Variants in HPS5 observed in about 807,000 individuals in gnomAD.
HPS5 encodes HPS5 biogenesis of lysosomal organelles complex 2 subunit 2, also known as BLOC-2 complex member HPS5.
In HPS5, 83 loss-of-function variants were observed where a neutral mutation model predicts 128.0. The ratio of observed to expected loss-of-function variants is 0.65; its 90% CI spans 0.54 to 0.78. The LOEUF is 0.78. HPS5 is among the 30% of genes least tolerant of loss of function. HPS5 has a pLI of 0.00. For missense variants in HPS5, 1,281 were observed against 1,326.2 expected, an observed-to-expected ratio of 0.97 and a Z score of 0.53; for synonymous variants, 475 against 470.2, an observed-to-expected ratio of 1.01 and a Z score of -0.13.
At chr11:18,306,777 C>T (rs1013410504) in intron 6 of HPS5, among the ~76,000 whole-genome samples, 1 of 152,228 alleles carries the variant, frequency 6.6e-6, no homozygotes, top group African/African-American at 2.4e-5. Context: ...GTCACTTCCT[C>T]ACCACAAACA....
chr11:18,305,437 T>G lies in HPS5; in HGVS notation c.881A>C (p.Lys294Thr). 1 of 1,607,414 alleles carries G rather than the reference T, an allele frequency of 6.2e-7. No individual in the cohort carries two copies. Among genetic ancestry groups the G allele is most frequent in the Non-Finnish European group, 8.5e-7 (1 of 1,174,116 alleles). ...AGSSQSLSFP[K>T]LLHLSEHCVL... Reference sequence around the variant, plus strand: ...AGAAACTTACCTAAGATGTAAGAGTTTGGGGAAAGACAAAGACTGGGAGGA... The same window carrying G: ...AGAAACTTACCTAAGATGTAAGAGTGTGGGGAAAGACAAAGACTGGGAGGA... The change falls in exon 8 of 23, where the codon AAA becomes ACA. Residue 294 changes from lysine (K) to threonine (T), a missense_variant. Transcript: ENST00000349215.
rs1858557322 is a variant in HPS5 at position 18,279,039 on chromosome 11, A to C, written c.*843T>G. The C allele has an allele frequency of 6.6e-6, 1 of 152,220 alleles. No individual in the cohort carries two copies. The highest frequency in any genetic ancestry group is 1.5e-5 in the Non-Finnish European group (1 of 68,038). The allele number at this position is 152,220 out of a possible 1,614,324, so 9.4% of individuals were successfully genotyped here. A position where few individuals can be genotyped will look rare whatever the true frequency, so the allele number is the denominator to read the frequency against. On this transcript the variant is annotated 3_prime_UTR_variant, in exon 23 of 23. Transcript: ENST00000349215. ...AGATTAGAAAATATTAAATAAATAC[A>C]GGGAAAAATATTTTTAATTAGCTTA...
intron 2 of HPS5, among the ~76,000 whole-genome samples, chr11:18,312,491 G>T (rs553497350): frequency 6.6e-6 from 1 of 152,318 alleles, no homozygotes; most frequent in South Asian, 2.1e-4. Flanking sequence ...AGAATGCAGT[G>T]GTCATGCCGT....
chr11:18,283,889 T>C lies in HPS5; in HGVS notation c.2964A>G (p.Gly988=), dbSNP rs1430613854. 6.2e-7 allele frequency: 1 copy of C among 1,612,162 alleles called. No individual in the cohort carries two copies. The highest frequency in any genetic ancestry group is 1.3e-5 in the African/African-American group (1 of 74,868). Residue 988 remains glycine, a synonymous_variant, in exon 21 of 23, where the codon GGA becomes GGG. Coordinates refer to ENST00000349215, the MANE Select transcript of HPS5 (RefSeq NM_181507.2). ...CCAGCTCCAAACAGAGAATTAGATA[T>C]CCAGGCCAGAAACTTTAAAGAGACC... ...DICRSCGFWP[G]YLILCLELER... is the part of the protein sequence containing the mutation.
Position 18,287,667 on chromosome 11 carries a change from G to C in HPS5, c.2585C>G (p.Ser862Cys), listed in dbSNP as rs1373111138. 6.2e-7 allele frequency: 1 copy of C among 1,614,030 alleles called. No homozygotes were observed. Among genetic ancestry groups the C allele is most frequent in the African/African-American group, 1.3e-5 (1 of 74,914 alleles). Reference protein sequence around the residue: ...ATRLYEKFGESALRSLIKFFP... With the variant: ...ATRLYEKFGECALRSLIKFFP... ...GAACTTGATTAAGGATCGAAGAGCAGACTCCCCAAACTTTTCATACAACCT... is the reference window on the plus strand; with the variant it reads ...GAACTTGATTAAGGATCGAAGAGCACACTCCCCAAACTTTTCATACAACCT... The change falls in exon 18 of 23, where the codon TCT (serine) becomes TGT (cysteine). Residue 862 changes from serine to cysteine, a missense_variant. Transcript: ENST00000349215.
chr11:18,301,142 T>C (rs1234289492), intron 8 of HPS5, among the ~76,000 whole-genome samples: 1 of 152,012 alleles, frequency 6.6e-6, no homozygotes, highest in Non-Finnish European at 1.5e-5. Flanking sequence ...CAGACACATA[T>C]ACTAGATATT....
intron 16 of HPS5, 119 bp downstream of exon 16, chr11:18,291,323 G>C (rs1860376636): frequency 1.5e-6 from 1 of 652,108 alleles, no homozygotes; most frequent in South Asian, 2.0e-5. Flanking sequence ...ACAGAATAAA[G>C]GGTTGACCAG....
Position 18,291,647 on chromosome 11 carries a change from C to A in HPS5, c.2235G>T (p.Leu745Phe), listed in dbSNP as rs1289072749. The A allele has an allele frequency of 6.2e-7, 1 of 1,614,206 alleles. No individual in the cohort carries two copies. Among genetic ancestry groups the A allele is most frequent in the African/African-American group, 1.3e-5 (1 of 75,056 alleles). ...TCTTAGAATTCAATACATTCAACTC[C>A]AAACATAATGTTGTCAATTCAGCCA... ...NDLAELTTLC[L>F]ELNVLNSKIK... Residue 745 changes from leucine to phenylalanine, a missense_variant, in exon 16 of 23, where the codon TTG (leucine) becomes TTT (phenylalanine). Leu to Phe is a conservative substitution (Grantham distance 22). Transcript: ENST00000349215.
rs768204584 is a variant in HPS5, at chr11:18,291,960, T to C, written c.1922A>G (p.Gln641Arg). 1 of 1,613,582 alleles carries C rather than the reference T, an allele frequency of 6.2e-7. No homozygotes were observed. Among genetic ancestry groups the C allele is most frequent in the Non-Finnish European group, 8.5e-7 (1 of 1,179,912 alleles). The change falls in exon 16 of 23, where the codon CAG (glutamine) becomes CGG (arginine). Residue 641 changes from glutamine (Q) to arginine (R), a missense_variant. Transcript: ENST00000349215. ...TTTTTCTAAATGTGAAAGCCACTCCTGTAAAACCATTCTCAGAGACTCGGA... is the reference window on the plus strand; with the variant it reads ...TTTTTCTAAATGTGAAAGCCACTCCCGTAAAACCATTCTCAGAGACTCGGA... ...FESESLRMVL[Q>R]EWLSHLEKTF...
chr11:18,293,581 TAGAA>T (rs1860706434), intron 14 of HPS5, among the ~76,000 whole-genome samples: 1 of 152,112 alleles, frequency 6.6e-6, no homozygotes. Context: ...AAGCTCTCAT[TAGAA>T]AGAAAGGCAT....
rs1017417668 is a variant in HPS5 at position 18,295,014 on chromosome 11, G to T, written c.1784+6C>A. The T allele has an allele frequency of 1.2e-6, 2 of 1,613,750 alleles. No individual in the cohort carries two copies. Among genetic ancestry groups the T allele is most frequent in the Non-Finnish European group, 1.7e-6 (2 of 1,179,722 alleles). On this transcript the variant is annotated splice_donor_region_variant and intron_variant, in intron 14 of 22. Transcript: ENST00000349215. Reference sequence around the variant, plus strand: ...AATGTATAGAGATTTATGTGTAAGGGCTTACTCAGTGTCTTCCTCCTTTGG... The same window carrying T: ...AATGTATAGAGATTTATGTGTAAGGTCTTACTCAGTGTCTTCCTCCTTTGG...
rs2134181785 is a variant in HPS5, at chr11:18,278,741, T to G, written c.*1141A>C. ...CAAAATGCTCATAATAAACCTCCTG[T>G]CTACATTGTGTTCCAATGAAAACTT... On this transcript the variant is annotated 3_prime_UTR_variant, in exon 23 of 23. Coordinates refer to ENST00000349215, the MANE Select transcript of HPS5 (RefSeq NM_181507.2). 1 of 152,426 alleles carries G rather than the reference T, an allele frequency of 6.6e-6. No homozygotes were observed. The highest frequency in any genetic ancestry group is 2.1e-4 in the South Asian group (1 of 4,830). The allele number at this position is 152,426 out of a possible 1,614,324, so 9.4% of individuals were successfully genotyped here.
intron 15 of HPS5, among the ~76,000 whole-genome samples, 155 bp from the exon 16 acceptor site, chr11:18,292,174 G>A (rs1385793853): frequency 2.0e-5 from 3 of 150,210 alleles, no homozygotes; most frequent in Non-Finnish European, 4.4e-5. Context: ...TCAACAAGAT[G>A]ACAAAACAGA....
At chr11:18,313,574 C>T (rs1863246395) in intron 2 of HPS5, among the ~76,000 whole-genome samples, 1 of 151,944 alleles carries the variant, frequency 6.6e-6, no homozygotes, top group South Asian at 2.1e-4. Context: ...TCGAGACCAG[C>T]CTGGGCAACA....
Position 18,279,364 on chromosome 11 carries a change from T to G in HPS5, c.*518A>C, listed in dbSNP as rs1024164378. 3.8e-5 allele frequency: 6 copies of G among 159,344 alleles called. No individual in the cohort carries two copies. The highest frequency in any genetic ancestry group is 7.2e-5 in the African/African-American group (3 of 41,486). 9.9% of individuals were successfully genotyped at this position (159,344 alleles called of 1,614,324 possible). A position where few individuals can be genotyped will look rare whatever the true frequency, so the allele number is the denominator to read the frequency against. On this transcript the variant is annotated 3_prime_UTR_variant, in exon 23 of 23. Coordinates refer to ENST00000349215, the MANE Select transcript of HPS5 (RefSeq NM_181507.2). ...TTTACTTAAATATCAAATTCAAATC[T>G]TCAGTGTTCTACTTATTTTGGGTGT...
Position 18,285,396 on chromosome 11 carries a change from A to G in HPS5, c.2901T>C (p.Pro967=). 2.5e-6 allele frequency: 4 copies of G among 1,613,710 alleles called. No homozygotes were observed. The highest frequency in any genetic ancestry group is 3.4e-6 in the Non-Finnish European group (4 of 1,179,718). Residue 967 remains proline, a synonymous_variant, in exon 20 of 23, where the codon CCT becomes CCC. Coordinates refer to ENST00000349215, the MANE Select transcript of HPS5 (RefSeq NM_181507.2). The part of the protein sequence containing the change: ...SQLILHLIKL[P]ADFITKEKMT... ...TTTTCTCTTTGGTTATAAAATCTGC[A>G]GGAAGTTTAATTAGATGAAGGATCA...
chr11:18,315,761 C>G (rs996056926), intron 2 of HPS5, among the ~76,000 whole-genome samples: 1 of 152,108 alleles, frequency 6.6e-6, no homozygotes, highest in Non-Finnish European at 1.5e-5. Flanking sequence ...CCCAGATAGA[C>G]TTTTCATTTA....
chr11:18,317,689 G>A, intron 2 of HPS5, 62 bp downstream of exon 2: 1 of 1,509,438 alleles, frequency 6.6e-7, no homozygotes, highest in Non-Finnish European at 9.1e-7. Context: ...GAACTGGAGG[G>A]TAGGGGCACA....
At position 18,310,861 on chromosome 11, in the gene HPS5, T is replaced by G; in HGVS notation, c.357A>C (p.Ser119=). Residue 119 remains serine, a synonymous_variant, in exon 5 of 23, where the codon TCA becomes TCC. Transcript: ENST00000349215. ...CTGTGACTCTTCGGCCTTTGTGTTC[T>G]GAAGACACATACATTTGTTCCGGTT... ...RGKPEQMYVS[S]EHKGRRVTAL... The G allele has an allele frequency of 1.2e-6, 2 of 1,613,710 alleles. No homozygotes were observed. The highest frequency in any genetic ancestry group is 1.7e-6 in the Non-Finnish European group (2 of 1,179,730).
Sources: allele counts gnomAD v4.1 joint callset (sites outside exome capture counted in the v4.1 genomes callset), GRCh38; gene constraint gnomAD v4.1.1; transcripts MANE v1.5; gene names NCBI Gene and HGNC (gene_info 2026-07-23, HGNC 2026-07-21).